ADAMTSL1: variants seen among roughly 807,000 people sequenced by gnomAD.
ADAMTSL1 encodes the protein ADAMTS-like protein 1.
Under a neutral mutation model 201.8 loss-of-function variants are expected in ADAMTSL1, and 126 were observed. The ratio of observed to expected loss-of-function variants is 0.62; its 90% CI spans 0.54 to 0.72. The LOEUF (loss-of-function observed/expected upper bound fraction) is 0.72, where lower values mean the gene tolerates loss of function less well. Ranked by LOEUF, ADAMTSL1 falls within the 30% of genes least tolerant of loss-of-function variation. ADAMTSL1 has a pLI of 0.00. For missense variants in ADAMTSL1, 2,679 were observed against 2,277.8 expected (o/e 1.18, Z -3.59); for synonymous variants, 1,121 against 903.4 (o/e 1.24, Z -4.32).
chr9:18,228,650 C>T (rs926724682), intron 2 of ADAMTSL1, among the ~76,000 whole-genome samples: 1 of 152,052 alleles, frequency 6.6e-6, no homozygotes, highest in Non-Finnish European at 1.5e-5. Flanking sequence ...GAACTCCCGG[C>T]CTCAAGTGAT....
At chr9:18,183,065 C>T (rs994468131) in intron 2 of ADAMTSL1, among the ~76,000 whole-genome samples, 2 of 152,190 alleles carry the variant, frequency 1.3e-5, no homozygotes, top group African/African-American at 4.8e-5. Flanking sequence ...ATCAGACTTT[C>T]TCTTTCTGCC....
At chr9:18,397,279 C>G (rs1817792427) in intron 2 of ADAMTSL1, among the ~76,000 whole-genome samples, 4 of 151,962 alleles carry the variant, frequency 2.6e-5, no homozygotes. Flanking sequence ...TATTATCATC[C>G]CAGAAGGAAA....
chr9:18,021,462 T>C (rs1442704907), intron 1 of ADAMTSL1, among the ~76,000 whole-genome samples: 1 of 152,110 alleles, frequency 6.6e-6, no homozygotes, highest in Non-Finnish European at 1.5e-5. Context: ...ATGTGAAAAA[T>C]GCTGCTAACA....
intron 1 of ADAMTSL1, among the ~76,000 whole-genome samples, chr9:18,104,118 C>G (rs978594757): frequency 6.6e-6 from 1 of 152,172 alleles, no homozygotes; most frequent in Non-Finnish European, 1.5e-5. Context: ...TGTTCAATCT[C>G]TTTATTTCAT....
At chr9:18,582,910 A>G (rs555505103) in intron 4 of ADAMTSL1, among the ~76,000 whole-genome samples, 65 of 152,054 alleles carry the variant, frequency 4.3e-4, no homozygotes, top group African/African-American at 1.5e-3. Context: ...AAATAAAATA[A>G]AAAGGGGAGT....
At chr9:18,679,257 TTTTG>T (rs1830305899) in intron 10 of ADAMTSL1, among the ~76,000 whole-genome samples, 2 of 152,184 alleles carry the variant, frequency 1.3e-5, no homozygotes, top group African/African-American at 4.8e-5. Context: ...CCCAGTGACA[TTTTG>T]TTTCTCTCAT....
intron 2 of ADAMTSL1, among the ~76,000 whole-genome samples, chr9:18,425,859 GAAAAAAAAA>G (rs71304881): frequency 1.1e-5 from 1 of 94,608 alleles, no homozygotes; most frequent in African/African-American, 4.4e-5. Context: ...CCTGTCTCAA[GAAAAAAAAA>G]AAAAAAAAAA....
chr9:18,287,450 A>G (rs1250203872), intron 2 of ADAMTSL1, among the ~76,000 whole-genome samples: 2 of 151,562 alleles, frequency 1.3e-5, no homozygotes, highest in Admixed American at 6.6e-5. Flanking sequence ...ATGTATGTGT[A>G]TTTTACACAT....
At chr9:18,737,339 A>AAAAAAG (rs1818573700) in intron 15 of ADAMTSL1, among the ~76,000 whole-genome samples, 1 of 151,048 alleles carries the variant, frequency 6.6e-6, no homozygotes, top group East Asian at 1.9e-4. Context: ...AAAAAAAAAA[A>AAAAAAG]AAAAGTGAAG....
At chr9:18,645,107 G>A (rs1417343785) in intron 7 of ADAMTSL1, among the ~76,000 whole-genome samples, 1 of 152,084 alleles carries the variant, frequency 6.6e-6, no homozygotes, top group Non-Finnish European at 1.5e-5. Flanking sequence ...GTATCTCATT[G>A]TGGTTTTGAT....
At chr9:18,773,592 A>G (rs1307108237) in intron 17 of ADAMTSL1, among the ~76,000 whole-genome samples, 1 of 152,244 alleles carries the variant, frequency 6.6e-6, no homozygotes, top group African/African-American at 2.4e-5. Context: ...TCAGATCTCC[A>G]ACGGCTGGGT....
At chr9:18,262,084 T>TAA (rs1831945600) in intron 2 of ADAMTSL1, among the ~76,000 whole-genome samples, 1 of 152,218 alleles carries the variant, frequency 6.6e-6, no homozygotes, top group Non-Finnish European at 1.5e-5. Flanking sequence ...GATATATATA[T>TAA]AATGTGTTTG....
At chr9:18,478,348 AAT>A (rs1293233029) in intron 1 of ADAMTSL1, among the ~76,000 whole-genome samples, 1 of 152,134 alleles carries the variant, frequency 6.6e-6, no homozygotes, top group Non-Finnish European at 1.5e-5. Context: ...GCTTACTCAG[AAT>A]ATAATTTTAA....
chr9:18,084,750 C>T (rs1823669460), intron 1 of ADAMTSL1, among the ~76,000 whole-genome samples: 1 of 117,624 alleles, frequency 8.5e-6, no homozygotes, highest in Non-Finnish European at 1.6e-5. Flanking sequence ...AAGTGCTAAA[C>T]ACATTCTAGG....
intron 2 of ADAMTSL1, among the ~76,000 whole-genome samples, chr9:18,411,638 T>G (rs932654605): frequency 6.6e-6 from 1 of 152,224 alleles, no homozygotes; most frequent in Admixed American, 6.5e-5. Context: ...ACACACCTAA[T>G]GTTATCACCC....
chr9:18,281,976 T>C (rs1451486124), intron 2 of ADAMTSL1, among the ~76,000 whole-genome samples: 2 of 152,242 alleles, frequency 1.3e-5, no homozygotes, highest in East Asian at 3.8e-4. Flanking sequence ...TAATTTTATT[T>C]TAGATTCAGG....
intron 2 of ADAMTSL1, among the ~76,000 whole-genome samples, chr9:18,260,728 C>G (rs758382632): frequency 3.3e-5 from 5 of 152,186 alleles, no homozygotes; most frequent in African/African-American, 1.2e-4. Flanking sequence ...AGTGTGGTCC[C>G]TCTCCGAGGC....
chr9:18,314,752 T>G (rs1263635490), intron 2 of ADAMTSL1, among the ~76,000 whole-genome samples: 2 of 139,226 alleles, frequency 1.4e-5, no homozygotes, highest in African/African-American at 5.3e-5. Context: ...GGGACCCCAG[T>G]GGGTTGCCAC....
chr9:18,124,658 G>C (rs541676389), intron 1 of ADAMTSL1, among the ~76,000 whole-genome samples: 1 of 152,024 alleles, frequency 6.6e-6, no homozygotes, highest in Non-Finnish European at 1.5e-5. Context: ...ATTTGAACAG[G>C]TGTTTTTAAA....
Sources: gnomAD v4.1 joint callset for allele counts (sites outside exome capture counted in the v4.1 genomes callset) on GRCh38, gnomAD v4.1.1 for gene constraint, MANE v1.5 for transcripts, NCBI Gene and HGNC (gene_info 2026-07-23, HGNC 2026-07-21) for gene names.